The following ASB4 variants were observed in gnomAD, a reference collection of about 807,000 sequenced individuals.
ASB4 encodes the protein ankyrin repeat and SOCS box containing 4, also known as ankyrin repeat and SOCS box protein 4.
Under a neutral mutation model 38.6 loss-of-function variants are expected in ASB4, and 35 were observed. The observed-to-expected ratio is 0.91, with a 90% CI of 0.69 to 1.20. ASB4 has a LOEUF of 1.20. Among genes scored for constraint, ASB4 ranks in the 50% most tolerant of loss-of-function variants. The pLI, the probability that ASB4 is intolerant of heterozygous loss-of-function variation, is 0.00. For missense variants in ASB4, 557 were observed against 527.2 expected (o/e 1.06, Z -0.55); for synonymous variants, 195 against 201.3 (o/e 0.97, Z 0.26).
intron 2 of ASB4, among the ~76,000 whole-genome samples, chr7:95,502,014 C>G (rs73711331): frequency 0.012 from 1,778 of 151,670 alleles, 40 homozygotes; most frequent in African/African-American, 0.04. Flanking sequence ...AATTAAAAGG[C>G]AATCATAAAA....
At chr7:95,470,997 T>C in the ASB4 span, among the ~76,000 whole-genome samples, 1 of 152,168 alleles carries the variant, frequency 6.6e-6, no homozygotes, top group Non-Finnish European at 1.5e-5. Flanking sequence ...CTTTATTCCA[T>C]ATTTCCATTT....
At chr7:95,536,180 C>T (rs1233400514) in intron 3 of ASB4, among the ~76,000 whole-genome samples, 2 of 151,972 alleles carry the variant, frequency 1.3e-5, no homozygotes, top group Non-Finnish European at 2.9e-5. Context: ...TTCTGAAAAT[C>T]GTTTTAGCAT....
At chr7:95,485,088 CTATT>C (rs1184133730), upstream of ASB4, among the ~76,000 whole-genome samples, 8 of 150,022 alleles carry the variant, frequency 5.3e-5, no homozygotes, top group African/African-American at 7.5e-5. Flanking sequence ...ACACACACAT[CTATT>C]TATCTGTCTG....
At chr7:95,515,173 CTTTCTTT>C (rs1790541960) in intron 2 of ASB4, among the ~76,000 whole-genome samples, 1 of 65,302 alleles carries the variant, frequency 1.5e-5, no homozygotes, top group African/African-American at 7.1e-5. Flanking sequence ...CTTTCTCTTT[CTTTCTTT>C]CTTTCTTTCT....
chr7:95,503,400 C>T (rs547145791), intron 2 of ASB4, among the ~76,000 whole-genome samples: 1 of 152,142 alleles, frequency 6.6e-6, no homozygotes, highest in Non-Finnish European at 1.5e-5. Flanking sequence ...TCTTGGACAG[C>T]GCTTGGCACA....
chr7:95,483,258 C>T (rs1396799403), upstream of ASB4, among the ~76,000 whole-genome samples: 1 of 152,210 alleles, frequency 6.6e-6, no homozygotes, highest in Non-Finnish European at 1.5e-5. Context: ...TTACTGCTGA[C>T]TGCTATTCAC....
intron 2 of ASB4, among the ~76,000 whole-genome samples, chr7:95,514,117 T>C (rs1364741155): frequency 6.6e-6 from 1 of 152,240 alleles, no homozygotes; most frequent in Non-Finnish European, 1.5e-5. Context: ...TCAGTTACAC[T>C]GCACCAATTC....
chr7:95,473,036 C>T, the ASB4 span, among the ~76,000 whole-genome samples: 2 of 152,124 alleles, frequency 1.3e-5, no homozygotes, highest in African/African-American at 4.8e-5. Flanking sequence ...TCCATGGAGT[C>T]GGTAGCTCCT....
upstream of ASB4, among the ~76,000 whole-genome samples, chr7:95,475,692 A>G (rs1789970762): frequency 6.6e-6 from 1 of 152,128 alleles, no homozygotes; most frequent in Non-Finnish European, 1.5e-5. Flanking sequence ...CCTTGAATTT[A>G]TTTAATAGCT....
intron 3 of ASB4, among the ~76,000 whole-genome samples, chr7:95,532,896 G>C (rs867287790): frequency 2.6e-5 from 4 of 152,194 alleles, no homozygotes; most frequent in Non-Finnish European, 5.9e-5. Flanking sequence ...AACATCTTCT[G>C]TTTTCTGGGC....
At chr7:95,473,307 C>A in the ASB4 span, among the ~76,000 whole-genome samples, 1 of 152,300 alleles carries the variant, frequency 6.6e-6, no homozygotes, top group African/African-American at 2.4e-5. Flanking sequence ...TTACACATGT[C>A]AACTTAGTTA....
At chr7:95,503,212 G>A (rs181937682) in intron 2 of ASB4, among the ~76,000 whole-genome samples, 53 of 152,186 alleles carry the variant, frequency 3.5e-4, no homozygotes, top group African/African-American at 9.6e-4. Flanking sequence ...TTTAAAGTGT[G>A]GCAGCTGGCA....
upstream of ASB4, among the ~76,000 whole-genome samples, chr7:95,474,411 T>G (rs1201354876): frequency 6.6e-6 from 1 of 152,244 alleles, no homozygotes; most frequent in African/African-American, 2.4e-5. Context: ...CAATTTGTTT[T>G]TTTTATATCT....
intron 2 of ASB4, among the ~76,000 whole-genome samples, chr7:95,519,728 C>T (rs1197349226): frequency 6.6e-6 from 1 of 152,050 alleles, no homozygotes; most frequent in Non-Finnish European, 1.5e-5. Context: ...GTCTTAATAC[C>T]TTTTCTAAGA....
intron 2 of ASB4, among the ~76,000 whole-genome samples, chr7:95,500,227 G>A (rs1790315364): frequency 1.3e-5 from 2 of 151,972 alleles, no homozygotes; most frequent in African/African-American, 4.8e-5. Context: ...AAAAATGGGA[G>A]AAGAAACTTA....
At chr7:95,533,885 G>A (rs1018984201) in intron 3 of ASB4, among the ~76,000 whole-genome samples, 2 of 152,140 alleles carry the variant, frequency 1.3e-5, no homozygotes, top group Admixed American at 1.3e-4. Context: ...CCTCTCTCGT[G>A]CCTATTAGGA....
rs558196783 is a variant in ASB4, at chr7:95,535,140, T to C, written c.979-1297T>C. On this transcript the variant is annotated intron_variant, in intron 3 of 4. Transcript: ENST00000325885. ...TCATAACCTTTCTGTCTCTGTTTTATCTGTGATCCCAAGACATTAGGTCTT... is the reference window on the plus strand; with the variant it reads ...TCATAACCTTTCTGTCTCTGTTTTACCTGTGATCCCAAGACATTAGGTCTT... 2.0e-5 allele frequency among the ~76,000 whole-genome samples: 3 copies of C among 152,328 alleles called. No homozygotes were observed. In the South Asian group the frequency reaches 6.2e-4, roughly 32 times the overall value.
chr7:95,508,856 GA>G (rs1198630766), intron 2 of ASB4, among the ~76,000 whole-genome samples: 1 of 152,228 alleles, frequency 6.6e-6, no homozygotes, highest in African/African-American at 2.4e-5. Flanking sequence ...TGGAGTCCAA[GA>G]ATTGTTATAG....
chr7:95,491,125 ATAAT>A (rs1474620007), intron 1 of ASB4, among the ~76,000 whole-genome samples: 1 of 152,264 alleles, frequency 6.6e-6, no homozygotes, highest in Non-Finnish European at 1.5e-5. Flanking sequence ...TGGCATGCAG[ATAAT>A]TAATCACATT....
Sources: gnomAD v4.1 joint callset for allele counts (sites outside exome capture counted in the v4.1 genomes callset) on GRCh38, gnomAD v4.1.1 for gene constraint, MANE v1.5 for transcripts, NCBI Gene and HGNC (gene_info 2026-07-23, HGNC 2026-07-21) for gene names.